Variants in PI4KA observed in about 807,000 individuals in gnomAD.
PI4KA encodes the protein PI4-kinase alpha.
PI4KA carries 122 observed loss-of-function variants against 271.4 expected under a neutral mutation model. The ratio of observed to expected loss-of-function variants is 0.45; its 90% CI spans 0.39 to 0.52. The LOEUF (loss-of-function observed/expected upper bound fraction) is 0.52. Among genes scored for constraint, PI4KA ranks in the 20% least tolerant of loss-of-function variants. The pLI is 0.00. For missense variants in PI4KA, 1,969 were observed against 2,769.1 expected (o/e 0.71, Z 6.48); for synonymous variants, 1,041 against 1,078.8 (o/e 0.96, Z 0.69).
At chr22:20,815,417 A>AAC (rs1364496502) in intron 7 of PI4KA, among the ~76,000 whole-genome samples, 1 of 151,938 alleles carries the variant, frequency 6.6e-6, no homozygotes, top group Non-Finnish European at 1.5e-5. Context: ...AAAACAAACA[A>AAC]ACAAAAAACT....
chr22:20,722,950 A>G (rs944234269), intron 42 of PI4KA, among the ~76,000 whole-genome samples: 1 of 152,192 alleles, frequency 6.6e-6, no homozygotes, highest in Admixed American at 6.5e-5. Context: ...CCAAAGTCAA[A>G]ATTATTAAAT....
intron 23 of PI4KA, among the ~76,000 whole-genome samples, chr22:20,759,051 G>T (rs1217859257): frequency 6.0e-5 from 9 of 149,800 alleles, no homozygotes; most frequent in Non-Finnish European, 7.4e-5. Flanking sequence ...GCATTTTTTT[G>T]TTTGTTTGTT....
chr22:20,718,025 T>TG (rs1166603287), intron 44 of PI4KA, among the ~76,000 whole-genome samples: 1 of 151,928 alleles, frequency 6.6e-6, no homozygotes, highest in Non-Finnish European at 1.5e-5. Flanking sequence ...GGTGTGTGGC[T>TG]GGGGGTGGTG....
At chr22:20,739,125 C>T (rs968560724) in intron 32 of PI4KA, among the ~76,000 whole-genome samples, 1 of 151,372 alleles carries the variant, frequency 6.6e-6, no homozygotes, top group Admixed American at 6.6e-5. Flanking sequence ...GCGGGCGGAT[C>T]ACAAGGTCAG....
intron 32 of PI4KA, among the ~76,000 whole-genome samples, chr22:20,735,775 T>TG (rs1928638363): frequency 6.6e-6 from 1 of 152,134 alleles, no homozygotes; most frequent in Admixed American, 6.5e-5. Flanking sequence ...AAGCTGCCCA[T>TG]GGGGTGAGGA....
chr22:20,846,875 C>T (rs1188298194), intron 1 of PI4KA, among the ~76,000 whole-genome samples: 3 of 145,698 alleles, frequency 2.1e-5, no homozygotes, highest in Admixed American at 6.9e-5. Context: ...GGGCCAGGTG[C>T]GGTGGCTCAT....
At chr22:20,821,749 G>A (rs1005097387) in intron 4 of PI4KA, among the ~76,000 whole-genome samples, 2 of 151,912 alleles carry the variant, frequency 1.3e-5, no homozygotes, top group African/African-American at 2.4e-5. Context: ...GCACCACCAC[G>A]CCTGGCTAAT....
At chr22:20,747,559 G>C in intron 29 of PI4KA, 24 bp downstream of exon 29, 1 of 1,612,432 alleles carries the variant, frequency 6.2e-7, no homozygotes, top group South Asian at 1.1e-5. Flanking sequence ...AGGGGTCACT[G>C]CTCTTCAGAA....
chr22:20,717,580 G>A (rs1926162253), intron 45 of PI4KA, 128 bp downstream of exon 45: 8 of 774,456 alleles, frequency 1.0e-5, no homozygotes, highest in African/African-American at 1.7e-5. Flanking sequence ...GTGGGCCCAA[G>A]CAGGTGTGGG....
At chr22:20,849,236 C>G (rs894657591) in intron 1 of PI4KA, among the ~76,000 whole-genome samples, 1 of 152,200 alleles carries the variant, frequency 6.6e-6, no homozygotes, top group African/African-American at 2.4e-5. Context: ...GCCCTCTGTA[C>G]ACCGTTGGTG....
At chr22:20,726,692 C>T in intron 41 of PI4KA, 151 bp from the exon 42 acceptor site, 1 of 684,146 alleles carries the variant, frequency 1.5e-6, no homozygotes, top group South Asian at 1.9e-5. Context: ...ACCGATGGCT[C>T]AGAACACAGG....
intron 1 of PI4KA, among the ~76,000 whole-genome samples, chr22:20,857,365 T>A (rs1279453182): frequency 1.3e-5 from 2 of 152,096 alleles, no homozygotes; most frequent in African/African-American, 4.8e-5. Flanking sequence ...CATGATAAAA[T>A]CAAATATGAG....
chr22:20,834,433 G>T, intron 3 of PI4KA, 129 bp downstream of exon 3: 1 of 697,950 alleles, frequency 1.4e-6, no homozygotes. Context: ...AATGCTGCAG[G>T]CAGTTGTTTC....
intron 19 of PI4KA, among the ~76,000 whole-genome samples, chr22:20,770,056 A>T (rs955242887): frequency 6.6e-6 from 1 of 151,844 alleles, no homozygotes; most frequent in African/African-American, 2.4e-5. Context: ...ATGTATACAT[A>T]TTTTTTTTAG....
At chr22:20,725,345 C>A in intron 42 of PI4KA, 1 of 211,374 alleles carries the variant, frequency 4.7e-6, no homozygotes, top group Non-Finnish European at 1.0e-5. Context: ...ATTTTCTGTG[C>A]CATGACCTGT....
rs1925519190 is a variant in PI4KA at position 20,713,078 on chromosome 22, C to T, written c.5571+203G>A. The T allele has an allele frequency of 7.3e-6, 5 of 686,034 alleles. No individual in the cohort carries two copies. The African/African-American group carries it at 9.0e-5, about 12-fold the overall frequency. 42.5% of individuals were successfully genotyped at this position (686,034 alleles called of 1,614,324 possible). On this transcript the variant is annotated intron_variant, in intron 48 of 54. Transcript: ENST00000255882. ...GACAGTTCCCTCAGGTGGGCACTGG[C>T]ATGGCGGGGACAGTGGGAAAGGGGC...
intron 1 of PI4KA, among the ~76,000 whole-genome samples, chr22:20,842,507 T>G (rs1925682972): frequency 6.6e-6 from 1 of 152,150 alleles, no homozygotes; most frequent in Non-Finnish European, 1.5e-5. Context: ...AGTATCAAAC[T>G]GAGTAATCAG....
intron 3 of PI4KA, 59 bp from the exon 4 acceptor site, chr22:20,824,473 T>G: frequency 8.2e-7 from 1 of 1,215,738 alleles, no homozygotes; most frequent in Non-Finnish European, 1.2e-6. Context: ...GTCACACCTC[T>G]GGCCATCCAA....
chr22:20,766,697 G>A (rs181093373), intron 19 of PI4KA, among the ~76,000 whole-genome samples: 38 of 152,256 alleles, frequency 2.5e-4, no homozygotes, highest in African/African-American at 8.7e-4. Flanking sequence ...TGTGCACGAT[G>A]CCCAGCTGGA....
Sources: gnomAD v4.1 joint callset for allele counts (sites outside exome capture counted in the v4.1 genomes callset) on GRCh38, gnomAD v4.1.1 for gene constraint, MANE v1.5 for transcripts, NCBI Gene and HGNC (gene_info 2026-07-23, HGNC 2026-07-21) for gene names.